INSL6: variants seen among roughly 807,000 people sequenced by gnomAD.
INSL6 encodes insulin like 6, also known as insulin-like peptide INSL6.
Under a neutral mutation model 9.4 loss-of-function variants are expected in INSL6, and 16 were observed. The observed-to-expected ratio is 1.70, with a 90% CI of 1.15 to 2.59. INSL6 has a LOEUF of 2.59. Ranked by LOEUF, INSL6 falls within the 30% of genes most tolerant of loss-of-function variation. The pLI, the probability that INSL6 is intolerant of heterozygous loss-of-function variation, is 0.00. For missense variants in INSL6, 391 were observed against 257.3 expected, an observed-to-expected ratio of 1.52 and a Z score of -3.56; for synonymous variants, 154 against 96.9, an observed-to-expected ratio of 1.59 and a Z score of -3.46.
chr9:5,107,174 G>C, the INSL6 span, among the ~76,000 whole-genome samples: 2 of 152,018 alleles, frequency 1.3e-5, no homozygotes, highest in African/African-American at 4.8e-5. Context: ...AGTATAAAGA[G>C]TACCATTGAC....
chr9:5,123,189 A>C, downstream of INSL6: 1 of 1,094,588 alleles, frequency 9.1e-7, no homozygotes, highest in Non-Finnish European at 1.4e-6. Flanking sequence ...TTTATGGGGT[A>C]CAAGTACAAT....
the INSL6 span, among the ~76,000 whole-genome samples, chr9:5,011,205 A>T: frequency 6.6e-6 from 1 of 151,598 alleles, no homozygotes. Flanking sequence ...CCTCTGTTCC[A>T]CTTATATGTA....
chr9:5,146,113 T>C (rs1389369983), intron 2 of INSL6, among the ~76,000 whole-genome samples: 1 of 152,154 alleles, frequency 6.6e-6, no homozygotes, highest in Non-Finnish European at 1.5e-5. Context: ...TTGTTAACCT[T>C]TGGGTTTTTT....
At chr9:5,163,071 C>T (rs1824961081), downstream of INSL6, among the ~76,000 whole-genome samples, 1 of 152,174 alleles carries the variant, frequency 6.6e-6, no homozygotes, top group Admixed American at 6.5e-5. Flanking sequence ...TACATTAACT[C>T]CATTACTAGT....
intron 1 of INSL6, among the ~76,000 whole-genome samples, chr9:5,179,635 A>G (rs751263220): frequency 2.6e-5 from 4 of 152,254 alleles, no homozygotes; most frequent in Non-Finnish European, 5.9e-5. Context: ...AAAACTTGCT[A>G]CACATACACC....
the INSL6 span, among the ~76,000 whole-genome samples, chr9:5,043,495 G>A: frequency 6.6e-6 from 1 of 152,182 alleles, no homozygotes; most frequent in Non-Finnish European, 1.5e-5. Context: ...GTATATTGCT[G>A]TTGGGAATGT....
intron 1 of INSL6, among the ~76,000 whole-genome samples, chr9:5,167,648 C>A (rs1277697067): frequency 6.6e-6 from 1 of 152,164 alleles, no homozygotes; most frequent in Non-Finnish European, 1.5e-5. Flanking sequence ...GAGGGTTGGC[C>A]ACGCTATCGT....
intron 1 of INSL6, among the ~76,000 whole-genome samples, chr9:5,181,944 T>C (rs897198175): frequency 3.3e-5 from 5 of 152,212 alleles, no homozygotes; most frequent in Non-Finnish European, 5.9e-5. Flanking sequence ...TTGACATAGA[T>C]ATGAGGACAC....
chr9:5,004,370 A>C, the INSL6 span, among the ~76,000 whole-genome samples: 1 of 152,186 alleles, frequency 6.6e-6, no homozygotes, highest in East Asian at 1.9e-4. Context: ...TCTATGGATC[A>C]GTGAGATCAT....
chr9:5,041,639 G>T, the INSL6 span: 1 of 502,128 alleles, frequency 2.0e-6, no homozygotes, highest in South Asian at 1.5e-5. Context: ...ACTTTGAGAA[G>T]CTCGACTACG....
the INSL6 span, among the ~76,000 whole-genome samples, chr9:5,057,112 GTATTA>G: frequency 6.6e-6 from 1 of 152,128 alleles, no homozygotes; most frequent in African/African-American, 2.4e-5. Context: ...TTGTATACAA[GTATTA>G]TTTTATGTTT....
exon 4 of INSL6, among the ~76,000 whole-genome samples, chr9:5,123,966 G>A (rs1381603738): frequency 6.6e-6 from 1 of 151,008 alleles, no homozygotes; most frequent in Non-Finnish European, 1.5e-5. Flanking sequence ...GGTGATTAGT[G>A]ATTAGCATTT....
At chr9:5,074,593 C>A in the INSL6 span, among the ~76,000 whole-genome samples, 3 of 152,214 alleles carry the variant, frequency 2.0e-5, no homozygotes, top group African/African-American at 7.2e-5. Flanking sequence ...TGTGCTCTGA[C>A]TGCTCCATCA....
At chr9:5,064,558 A>C in the INSL6 span, among the ~76,000 whole-genome samples, 13 of 152,144 alleles carry the variant, frequency 8.5e-5, no homozygotes, top group East Asian at 2.5e-3. Context: ...GGAAATGCTC[A>C]TGATTTCTAA....
At chr9:5,171,998 T>C (rs375330837) in intron 1 of INSL6, among the ~76,000 whole-genome samples, 4 of 152,292 alleles carry the variant, frequency 2.6e-5, no homozygotes, top group African/African-American at 7.2e-5. Flanking sequence ...AAAAGTCGTA[T>C]GGAACCAAAA....
the INSL6 span, among the ~76,000 whole-genome samples, chr9:4,996,928 C>CTTTTTTTTTTTTTTTTTTTTTTTTT: frequency 1.1e-5 from 1 of 94,708 alleles, no homozygotes; most frequent in Non-Finnish European, 2.0e-5. Context: ...TTAGTTTGTT[C>CTTTTTTTTTTTTTTTTTTTTTTTTT]TTTTTTTTTT....
At chr9:5,110,116 T>TAGC in the INSL6 span, 1 of 152,228 alleles carries the variant, frequency 6.6e-6, no homozygotes, top group Admixed American at 6.5e-5. Context: ...CGCCTTCTCT[T>TAGC]AGCAGCAGCA....
the INSL6 span, chr9:5,100,571 A>C: frequency 6.6e-6 from 1 of 152,250 alleles, no homozygotes; most frequent in African/African-American, 2.4e-5. Context: ...TGCCAGAATT[A>C]GGAGGACACT....
At chr9:5,007,570 C>T in the INSL6 span, among the ~76,000 whole-genome samples, 1 of 151,856 alleles carries the variant, frequency 6.6e-6, no homozygotes, top group African/African-American at 2.4e-5. Flanking sequence ...ATTAAGTAAT[C>T]ATTGAATGCA....
Sources: allele counts gnomAD v4.1 joint callset (sites outside exome capture counted in the v4.1 genomes callset), GRCh38; gene constraint gnomAD v4.1.1; transcripts MANE v1.5; gene names NCBI Gene and HGNC (gene_info 2026-07-23, HGNC 2026-07-21).